The following PCDHA3 variants were observed in gnomAD, a reference collection of about 807,000 sequenced individuals.
The protein encoded by PCDHA3 is protocadherin alpha 3, also known as protocadherin alpha-3.
PCDHA3 carries 41 observed loss-of-function variants against 62.2 expected under a neutral mutation model. The observed-to-expected ratio is 0.66, with a 90% confidence interval of 0.51 to 0.86. PCDHA3 has a LOEUF of 0.86. Ranked by LOEUF, PCDHA3 falls within the 40% of genes least tolerant of loss-of-function variation. The probability of loss-of-function intolerance (pLI) is 0.00; values close to 1 mark genes in which losing one functional copy is unlikely to be tolerated. For missense variants in PCDHA3, 1,304 were observed against 1,241.2 expected (o/e 1.05, Z -0.76); for synonymous variants, 640 against 555.4 (o/e 1.15, Z -2.14).
intron 1 of PCDHA3, chr5:140,871,301 CGGG>C: frequency 6.2e-7 from 1 of 1,613,916 alleles, no homozygotes; most frequent in East Asian, 2.2e-5. Context: ...GCGTGCGCGC[CGGG>C]GAAGCCCACG....
In PCDHA3 at chr5:140,857,166, T is replaced by A. The variant is rs1554149611; in HGVS notation, c.2394+53575T>A. ...GGCACCGTCATTGCCCTAATCAGCG[T>A]TTCTGACCATGATTCAGGAGCCAAC... On this transcript the variant is annotated intron_variant, in intron 1 of 3. Transcript: ENST00000522353. 3.1e-6 allele frequency: 5 copies of A among 1,598,172 alleles called. No homozygotes were observed. The African/African-American group carries it at 5.4e-5, about 17-fold the overall frequency.
At chr5:140,998,939 A>C (rs1299425979) in intron 3 of PCDHA3, among the ~76,000 whole-genome samples, 2 of 152,248 alleles carry the variant, frequency 1.3e-5, no homozygotes, top group Admixed American at 1.3e-4. Flanking sequence ...CAGATGAAGA[A>C]ACTGTAAGTC....
At chr5:140,966,724 CGCCTCCGGCCCTGCCCGGCT>C (rs1563354102) in intron 1 of PCDHA3, 1 of 1,396,284 alleles carries the variant, frequency 7.2e-7, no homozygotes, top group Admixed American at 3.3e-5. Flanking sequence ...GGGAAGCTGC[CGCCTCCGGCCCTGCCCGGCT>C]GCCTCCGCCG....
At chr5:140,858,594 G>A (rs1554151838) in intron 1 of PCDHA3, 5 of 1,317,532 alleles carry the variant, frequency 3.8e-6, no homozygotes, top group Admixed American at 2.6e-5. Context: ...TTTATTCCAG[G>A]AGTTTTAAAA....
In PCDHA3 at chr5:140,883,821, A is replaced by G. The variant is rs376667172; in HGVS notation, c.2394+80230A>G. 3 of 1,612,334 alleles carry G rather than the reference A, an allele frequency of 1.9e-6. No homozygotes were observed. Among genetic ancestry groups the G allele is most frequent in the Non-Finnish European group, 2.5e-6 (3 of 1,179,764 alleles). The stretch of plus-strand genomic sequence containing the variant: ...GTGCACGCGGAGAGCGGCAAGGTGT[A>G]CGCGCTGCAGCCGTTGGACCACGAG... On this transcript the variant is annotated intron_variant, in intron 1 of 3. Coordinates refer to ENST00000522353, the MANE Select transcript of PCDHA3 (RefSeq NM_018906.3).
intron 1 of PCDHA3, chr5:140,883,877 G>A: frequency 1.2e-6 from 2 of 1,613,254 alleles, no homozygotes; most frequent in Non-Finnish European, 1.7e-6. Flanking sequence ...CCAGGTGAGC[G>A]CGCGCGACTC....
rs145659771 is a variant in PCDHA3, at chr5:140,828,940, C to T, written c.2394+25349C>T. 1.3e-4 allele frequency: 202 copies of T among 1,614,160 alleles called. No individual in the cohort carries two copies. The Middle Eastern group carries it at 2.5e-3, about 20-fold the overall frequency. ...GGGCAATTTCATATTCTTTTAATAG[C>T]CTTGTTGCAGCCATGGTTATTGACC... On this transcript the variant is annotated intron_variant, in intron 1 of 3. Coordinates refer to ENST00000522353, the MANE Select transcript of PCDHA3 (RefSeq NM_018906.3).
intron 1 of PCDHA3, among the ~76,000 whole-genome samples, chr5:140,818,311 T>C (rs1766329673): frequency 6.6e-6 from 1 of 152,236 alleles, no homozygotes; most frequent in Non-Finnish European, 1.5e-5. Context: ...ATCTTTTACT[T>C]TAGGAATTTT....
intron 1 of PCDHA3, chr5:140,882,573 G>A (rs2059201802): frequency 2.5e-6 from 4 of 1,614,234 alleles, no homozygotes; most frequent in Non-Finnish European, 3.4e-6. Flanking sequence ...AGCGCGGAGT[G>A]CAGCATCCAC....
At chr5:140,843,084 G>A (rs2150352183) in intron 1 of PCDHA3, 6 of 1,595,554 alleles carry the variant, frequency 3.8e-6, no homozygotes, top group South Asian at 3.3e-5. Context: ...GTGGGCGCGG[G>A]CCACGTGGTA....
At chr5:140,879,257 G>A (rs782639090) in intron 1 of PCDHA3, among the ~76,000 whole-genome samples, 3 of 152,202 alleles carry the variant, frequency 2.0e-5, no homozygotes, top group Non-Finnish European at 4.4e-5. Flanking sequence ...AGTAGAAGCA[G>A]CCAGATAATG....
intron 1 of PCDHA3, chr5:140,808,527 A>G (rs1554124616): frequency 6.2e-7 from 1 of 1,614,152 alleles, no homozygotes; most frequent in Admixed American, 1.7e-5. Context: ...GAGGTGGCTG[A>G]TGTGAACGAC....
intron 1 of PCDHA3, among the ~76,000 whole-genome samples, chr5:140,900,796 A>G (rs1269266602): frequency 1.3e-5 from 2 of 152,188 alleles, no homozygotes; most frequent in Admixed American, 6.5e-5. Flanking sequence ...ACTGTTCTCC[A>G]TAGTGCTTGT....
At chr5:140,972,296 T>C (rs1303430452) in intron 1 of PCDHA3, among the ~76,000 whole-genome samples, 2 of 151,468 alleles carry the variant, frequency 1.3e-5, no homozygotes, top group Non-Finnish European at 2.9e-5. Flanking sequence ...TGCGCCACCG[T>C]GTCTGACTAG....
At chr5:140,893,050 A>G (rs967159859) in intron 1 of PCDHA3, among the ~76,000 whole-genome samples, 1 of 152,248 alleles carries the variant, frequency 6.6e-6, no homozygotes, top group Non-Finnish European at 1.5e-5. Context: ...CTCCAGGCTC[A>G]GCCATACTGC....
At chr5:140,803,875 T>C in intron 1 of PCDHA3, 1 of 556,838 alleles carries the variant, frequency 1.8e-6, no homozygotes, top group East Asian at 3.0e-5. Flanking sequence ...ACAAATATTT[T>C]TTCTTAGATG....
At position 141,009,800 on chromosome 5, in the gene PCDHA3, A is replaced by G. The variant is rs148436868; in HGVS notation, c.2716A>G (p.Ser906Gly). The stretch of plus-strand genomic sequence containing the variant: ...CTCCATCCGGCAGGAGCCTACTAAC[A>G]GCCAAATTGACAAAAGTGACTTCAT... ...IISIRQEPTN[S>G]QIDKSDFITF... The change falls in exon 4 of 4, where the codon AGC (serine) becomes GGC (glycine). Residue 906 changes from serine to glycine, a missense_variant. By Grantham distance (56) the Ser-to-Gly change is moderately conservative (BLOSUM62 0). Coordinates refer to ENST00000522353, the MANE Select transcript of PCDHA3 (RefSeq NM_018906.3). 1.2e-4 allele frequency: 190 copies of G among 1,614,158 alleles called. No individual in the cohort carries two copies. In the African/African-American group the frequency reaches 2.3e-3, roughly 19 times the overall value.
chr5:140,867,971 C>T (rs1230179778), intron 1 of PCDHA3: 1 of 152,032 alleles, frequency 6.6e-6, no homozygotes, highest in African/African-American at 2.4e-5. Flanking sequence ...ATTCTTTCAA[C>T]AAGAAACAAA....
chr5:140,883,378 C>A, intron 1 of PCDHA3: 1 of 1,614,146 alleles, frequency 6.2e-7, no homozygotes. Context: ...CCATTATTGC[C>A]CTAATCAGTG....
Sources: gnomAD v4.1 joint callset for allele counts (sites outside exome capture counted in the v4.1 genomes callset) on GRCh38, gnomAD v4.1.1 for gene constraint, MANE v1.5 for transcripts, NCBI Gene and HGNC (gene_info 2026-07-23, HGNC 2026-07-21) for gene names.